Variants in MED24 observed in about 807,000 individuals in gnomAD.
The protein encoded by MED24 is mediator of RNA polymerase II transcription subunit 24.
A neutral mutation model predicts 118.8 loss-of-function variants in MED24; 74 were observed. The observed-to-expected ratio is 0.62, with a 90% CI of 0.52 to 0.76. The LOEUF (loss-of-function observed/expected upper bound fraction) is 0.76, where lower values mean the gene tolerates loss of function less well. Among genes scored for constraint, MED24 ranks in the 30% least tolerant of loss-of-function variants. MED24 has a pLI of 0.00. For synonymous variants in MED24, 521 were observed against 523.9 expected (o/e 0.99, Z 0.08); for missense variants, 1,041 against 1,278.9 (o/e 0.81, Z 2.84).
At chr17:40,035,537 CAG>C (rs1482234854) in intron 5 of MED24, among the ~76,000 whole-genome samples, 183 bp downstream of exon 5, 3 of 152,086 alleles carry the variant, frequency 2.0e-5, no homozygotes, top group Non-Finnish European at 4.4e-5. Context: ...CTACTCCAGA[CAG>C]AGAGGAGGCA....
intron 3 of MED24, among the ~76,000 whole-genome samples, chr17:40,052,705 A>T (rs1443293407): frequency 1.3e-5 from 2 of 152,046 alleles, no homozygotes; most frequent in Admixed American, 6.6e-5. Flanking sequence ...GGGCTCAAGC[A>T]AGCCTCCTAC....
intron 3 of MED24, among the ~76,000 whole-genome samples, chr17:40,037,325 C>T (rs533770061): frequency 6.6e-6 from 1 of 152,228 alleles, no homozygotes; most frequent in African/African-American, 2.4e-5. Context: ...TCCAGGACAC[C>T]TTCCCTGATC....
rs1026948413 is a variant in MED24 at position 40,033,053 on chromosome 17, C to T, written c.822+3G>A. On this transcript the variant is annotated splice_donor_region_variant and intron_variant, in intron 8 of 25. Transcript: ENST00000394128. This position sits in a 1 kb window ranked among gnomAD's most constrained non-coding sequence, Gnocchi z 5.2. ...GAAGGGAGAGCCACTCGGCCCCTCCCACCTGCATGCGCTTCACCATCGTCA... is the reference window on the plus strand; with the variant it reads ...GAAGGGAGAGCCACTCGGCCCCTCCTACCTGCATGCGCTTCACCATCGTCA... 2.5e-6 allele frequency: 4 copies of T among 1,613,642 alleles called. No homozygotes were observed. In the African/African-American group the frequency reaches 4.0e-5, roughly 16 times the overall value.
Position 40,022,662 on chromosome 17 carries a change from CG to C in MED24, c.2414del (p.Pro805ArgfsTer53). 1 of 1,613,362 alleles carries C rather than the reference CG, an allele frequency of 6.2e-7. No individual in the cohort carries two copies. Reference sequence around the variant, plus strand: ...AATCTTACTTGGCAAGAGCAGTGCCCGGGGGGTCCATGAGGCTGTGCCACTT... The same window carrying C: ...AATCTTACTTGGCAAGAGCAGTGCCCGGGGGTCCATGAGGCTGTGCCACTT... ...SSKWHSLMDP[P>X]GTALAKLAVW... is the part of the protein sequence containing the mutation. On this transcript the variant is annotated frameshift_variant, in exon 21 of 26. Coordinates refer to ENST00000394128, the MANE Select transcript of MED24 (RefSeq NM_014815.4). LOFTEE classifies it high-confidence loss of function.
chr17:40,049,216 A>C (rs1322147157), intron 3 of MED24, among the ~76,000 whole-genome samples: 1 of 152,152 alleles, frequency 6.6e-6, no homozygotes, highest in Non-Finnish European at 1.5e-5. Flanking sequence ...AAAAGAAAAG[A>C]AAAAGGGGTC....
intron 3 of MED24, among the ~76,000 whole-genome samples, chr17:40,046,230 AC>A (rs1216491800): frequency 1.4e-5 from 2 of 138,970 alleles, no homozygotes; most frequent in Non-Finnish European, 3.1e-5. Flanking sequence ...GACTATAGGC[AC>A]CCGCCACCAC....
chr17:40,021,277 T>G (rs1312912115), intron 23 of MED24: 1 of 152,324 alleles, frequency 6.6e-6, no homozygotes, highest in African/African-American at 2.4e-5. Flanking sequence ...GGGGGCTGGC[T>G]CAGTCGCTAG....
chr17:40,028,716 T>TG, intron 14 of MED24, 110 bp downstream of exon 14: 2 of 1,463,554 alleles, frequency 1.4e-6, no homozygotes, highest in East Asian at 2.3e-5. Flanking sequence ...CCTAGGCCCG[T>TG]GGGTCTCTGG....
chr17:40,035,041 T>C, intron 6 of MED24, 76 bp downstream of exon 6: 2 of 1,608,720 alleles, frequency 1.2e-6, no homozygotes, highest in Non-Finnish European at 1.7e-6. Context: ...GATGGCATCC[T>C]GCCTCTCCCT....
rs762994793 is a variant in MED24 at position 40,027,016 on chromosome 17, G to A, written c.1549C>T (p.Arg517Cys). Residue 517 changes from arginine (R) to cysteine (C), a missense_variant, in exon 17 of 26, where the codon CGC (arginine) becomes TGC (cysteine). By Grantham distance (180) the Arg-to-Cys change is radical. This residue lies in a region of MED24 where 587 missense variants were observed against 694.4 expected (regional missense o/e 0.85). Transcript: ENST00000394128. Reference protein sequence around the residue: ...YGSEVILSESRTGAEVPFFET... With the variant: ...YGSEVILSESCTGAEVPFFET... The stretch of plus-strand genomic sequence containing the variant: ...AAGAAGGGCACCTCAGCTCCTGTGC[G>A]CGACTCGGACAGAATCACCTGGGAA... 1.1e-5 allele frequency: 17 copies of A among 1,613,988 alleles called. No homozygotes were observed. Among genetic ancestry groups the A allele is most frequent in the Non-Finnish European group, 1.4e-5 (16 of 1,180,004 alleles).
At chr17:40,035,667 G>T in intron 5 of MED24, 55 bp downstream of exon 5, 1 of 1,576,616 alleles carries the variant, frequency 6.3e-7, no homozygotes, top group Middle Eastern at 1.7e-4. Flanking sequence ...CTGCACCTCT[G>T]CACAAAGACA....
intron 3 of MED24, among the ~76,000 whole-genome samples, chr17:40,040,435 C>G (rs1161227625): frequency 6.6e-6 from 1 of 151,852 alleles, no homozygotes; most frequent in Non-Finnish European, 1.5e-5. Flanking sequence ...AGGGTGGTCT[C>G]AAATTCCTGG....
At chr17:40,036,415 G>A (rs1355395898) in intron 3 of MED24, among the ~76,000 whole-genome samples, 1 of 152,210 alleles carries the variant, frequency 6.6e-6, no homozygotes, top group African/African-American at 2.4e-5. Context: ...TTCAGGCCGA[G>A]CATGGTGGCT....
intron 3 of MED24, among the ~76,000 whole-genome samples, chr17:40,036,759 G>T (rs1983990536): frequency 6.6e-6 from 1 of 151,856 alleles, no homozygotes; most frequent in South Asian, 2.1e-4. Context: ...CGGCTAGTGG[G>T]CAGAAGCATG....
At chr17:40,037,592 T>C (rs1373912377) in intron 3 of MED24, among the ~76,000 whole-genome samples, 1 of 152,090 alleles carries the variant, frequency 6.6e-6, no homozygotes, top group East Asian at 1.9e-4. Context: ...CCCCATATGG[T>C]TATTTAAATT....
chr17:40,043,045 G>A (rs1472250542), intron 3 of MED24, among the ~76,000 whole-genome samples: 2 of 152,172 alleles, frequency 1.3e-5, no homozygotes, highest in Admixed American at 1.3e-4. Context: ...GCGCCTCCGC[G>A]GTTCAAAGGA....
At chr17:40,050,976 A>C (rs1985773407) in intron 3 of MED24, among the ~76,000 whole-genome samples, 1 of 152,076 alleles carries the variant, frequency 6.6e-6, no homozygotes, top group Non-Finnish European at 1.5e-5. Context: ...GTCTCTACTA[A>C]AAATACAAAA....
In MED24 at chr17:40,027,156, C is replaced by G. The variant is rs376965495; in HGVS notation, c.1531-122G>C. The G allele has an allele frequency of 2.3e-6, 3 of 1,302,216 alleles. No homozygotes were observed. In the Admixed American group the frequency reaches 7.3e-5, roughly 32 times the overall value. The allele number at this position is 1,302,216 out of a possible 1,614,324, so 80.7% of individuals were successfully genotyped here. ...TCCAGCCCAGCCCAAAGACTGGGGA[C>G]GAACTGGTCTAAGGGAGCCAGACGG... is the stretch of plus-strand genomic sequence containing the variant. On this transcript the variant is annotated intron_variant, in intron 16 of 25. Coordinates refer to ENST00000394128, the MANE Select transcript of MED24 (RefSeq NM_014815.4).
chr17:40,036,190 T>C, intron 3 of MED24, 36 bp from the exon 4 acceptor site: 1 of 1,584,306 alleles, frequency 6.3e-7, no homozygotes, highest in Non-Finnish European at 8.7e-7. Context: ...TTTAGACAAC[T>C]AGTCTCCCAC....
Sources: gnomAD v4.1 joint callset for allele counts (sites outside exome capture counted in the v4.1 genomes callset) on GRCh38, gnomAD v4.1.1 for gene constraint, gnomAD v4.1.1 regional missense constraint, Gnocchi (gnomAD v3.1) non-coding constraint, MANE v1.5 for transcripts, NCBI Gene and HGNC (gene_info 2026-07-23, HGNC 2026-07-21) for gene names.